The following TNIK variants were observed in gnomAD, a reference collection of about 807,000 sequenced individuals.
TNIK encodes TRAF2 and NCK interacting kinase.
A neutral mutation model predicts 191.3 loss-of-function variants in TNIK; 49 were observed. That is an observed-to-expected ratio of 0.26 (90% CI 0.20 to 0.32). The LOEUF is 0.32. Ranked by LOEUF, TNIK falls within the 10% of genes least tolerant of loss-of-function variation. The pLI is 1.00. For missense variants in TNIK, 1,155 were observed against 1,702.3 expected (o/e 0.68, Z 5.66); for synonymous variants, 594 against 600.9 (o/e 0.99, Z 0.17).
At chr3:171,196,315 T>C (rs1159475844) in intron 4 of TNIK, among the ~76,000 whole-genome samples, 3 of 152,160 alleles carry the variant, frequency 2.0e-5, no homozygotes, top group Non-Finnish European at 2.9e-5. Context: ...TCAATGACTG[T>C]TAACATTTTA....
intron 9 of TNIK, among the ~76,000 whole-genome samples, chr3:171,173,462 C>T (rs1156733302): frequency 2.0e-5 from 3 of 151,810 alleles, no homozygotes; most frequent in Non-Finnish European, 4.4e-5. Context: ...CTGACACCAG[C>T]TTCTGAGTTG....
rs1338888687 is a variant in TNIK, at chr3:171,319,076, C to T, written c.123+50544G>A. ...CACCTATAGTCCTATTTACTTGGGACGCTAAAATGGGAAGATTTCTGGAGC... is the reference window on the plus strand; with the variant it reads ...CACCTATAGTCCTATTTACTTGGGATGCTAAAATGGGAAGATTTCTGGAGC... On this transcript the variant is annotated intron_variant, in intron 2 of 32. Coordinates refer to ENST00000436636, the MANE Select transcript of TNIK (RefSeq NM_015028.4). Among the ~76,000 whole-genome samples, 6 of 152,154 alleles carry T rather than the reference C, an allele frequency of 3.9e-5. No individual in the cohort carries two copies. In the South Asian group the frequency reaches 8.3e-4, roughly 21 times the overall value.
At chr3:171,264,372 C>T (rs1249740806) in intron 2 of TNIK, among the ~76,000 whole-genome samples, 1 of 151,774 alleles carries the variant, frequency 6.6e-6, no homozygotes, top group Admixed American at 6.6e-5. Context: ...ATTTTATTTT[C>T]AGACGGAGTT....
At chr3:171,345,687 CAAG>C (rs1712057653) in intron 2 of TNIK, among the ~76,000 whole-genome samples, 1 of 152,066 alleles carries the variant, frequency 6.6e-6, no homozygotes, top group African/African-American at 2.4e-5. Context: ...TGGTGAAGGG[CAAG>C]AAGAGGTCAA....
intron 2 of TNIK, among the ~76,000 whole-genome samples, chr3:171,252,060 ATGCG>A (rs200296423): frequency 0.062 from 9,426 of 151,968 alleles, 335 homozygotes; most frequent in Middle Eastern, 0.12. Context: ...AAAATCTGGT[ATGCG>A]TGTGTGTGTG....
rs754103722 is a variant in TNIK, at chr3:171,157,478, C to G, written c.1203G>C (p.Gln401His). 128 of 1,569,044 alleles carry G rather than the reference C, an allele frequency of 8.2e-5. No homozygotes were observed. Among genetic ancestry groups the G allele is most frequent in the Non-Finnish European group, 4.0e-5 (46 of 1,157,612 alleles). Reference protein sequence around the residue: ...RQKRIEEQKEQRRRLEEQQRR... With the variant: ...RQKRIEEQKEHRRRLEEQQRR... The stretch of plus-strand genomic sequence containing the variant: ...TCCTCACCTCCTCCAGCCGCCGCCT[C>G]TGCTCTTTCTGCTCCTCGATGCGCT... Residue 401 changes from glutamine (Q) to histidine (H), a missense_variant, in exon 12 of 33, where the codon CAG (glutamine) becomes CAC (histidine). This residue lies in a region of TNIK where 735 missense variants were observed against 848.0 expected (regional missense o/e 0.87). Coordinates refer to ENST00000436636, the MANE Select transcript of TNIK (RefSeq NM_015028.4).
intron 12 of TNIK, among the ~76,000 whole-genome samples, chr3:171,144,240 A>AT (rs953237235): frequency 1.4e-4 from 21 of 152,022 alleles, no homozygotes; most frequent in African/African-American, 4.3e-4. Context: ...AAGTTTCTTA[A>AT]TTTTTTTTCC....
At chr3:171,173,879 T>G (rs1267521080) in intron 9 of TNIK, among the ~76,000 whole-genome samples, 2 of 152,100 alleles carry the variant, frequency 1.3e-5, no homozygotes, top group Non-Finnish European at 2.9e-5. Context: ...GGAAGAGAAC[T>G]GCGCCAGTCC....
At chr3:171,456,232 T>C (rs1728784280) in intron 1 of TNIK, among the ~76,000 whole-genome samples, 1 of 152,194 alleles carries the variant, frequency 6.6e-6, no homozygotes, top group Non-Finnish European at 1.5e-5. Context: ...TCCAGAAATA[T>C]GCTAATCTCC....
chr3:171,398,768 C>A (rs1421970837), intron 1 of TNIK, among the ~76,000 whole-genome samples: 2 of 152,182 alleles, frequency 1.3e-5, no homozygotes, highest in Non-Finnish European at 2.9e-5. Context: ...ATTCATGGTT[C>A]CTTTGACGTG....
At chr3:171,106,758 C>T in intron 21 of TNIK, 2 of 534,102 alleles carry the variant, frequency 3.7e-6, no homozygotes, top group Non-Finnish European at 7.7e-6. Flanking sequence ...TCTAACAATA[C>T]CTACTAACTC....
chr3:171,417,072 C>T (rs1043714054), intron 1 of TNIK, among the ~76,000 whole-genome samples: 1 of 152,156 alleles, frequency 6.6e-6, no homozygotes, highest in Non-Finnish European at 1.5e-5. Context: ...CCCTGAATGT[C>T]TCTGTGCTAC....
At chr3:171,115,475 C>CT (rs1726545131) in intron 18 of TNIK, among the ~76,000 whole-genome samples, 5 of 152,290 alleles carry the variant, frequency 3.3e-5, no homozygotes, top group African/African-American at 4.8e-5. Flanking sequence ...ATGAAAGAGA[C>CT]TAAGTATTGT....
At chr3:171,341,052 C>T (rs1757448588) in intron 2 of TNIK, among the ~76,000 whole-genome samples, 1 of 152,110 alleles carries the variant, frequency 6.6e-6, no homozygotes, top group African/African-American at 2.4e-5. Flanking sequence ...TAACAGACTA[C>T]AAAACCATGA....
chr3:171,302,581 T>C (rs1289967195), intron 2 of TNIK, among the ~76,000 whole-genome samples: 1 of 152,218 alleles, frequency 6.6e-6, no homozygotes, highest in African/African-American at 2.4e-5. Flanking sequence ...CATTAGACTT[T>C]AAAATTTTCT....
chr3:171,081,319 T>C (rs569089494), intron 27 of TNIK, among the ~76,000 whole-genome samples: 17 of 152,140 alleles, frequency 1.1e-4, no homozygotes, highest in Middle Eastern at 3.4e-3. Flanking sequence ...GAAGTACAGC[T>C]GAACTTTGAG....
chr3:171,066,425 G>A lies in TNIK; in HGVS notation c.3860-99C>T, dbSNP rs906827681. The stretch of plus-strand genomic sequence containing the variant: ...TAACCACAAAAATGACAAACGACTT[G>A]AGATAAATGGACAAAGCAAGTCTTA... On this transcript the variant is annotated intron_variant, in intron 31 of 32. Coordinates refer to ENST00000436636, the MANE Select transcript of TNIK (RefSeq NM_015028.4). 5.1e-5 allele frequency: 79 copies of A among 1,558,150 alleles called. No homozygotes were observed. The Middle Eastern group carries it at 6.8e-4, about 13-fold the overall frequency.
chr3:171,103,095 A>T (rs1723873945), intron 21 of TNIK, among the ~76,000 whole-genome samples: 1 of 152,188 alleles, frequency 6.6e-6, no homozygotes. Flanking sequence ...ATTTGTCTTG[A>T]TGACACCTGA....
rs1717584446 is a variant in TNIK at position 171,058,829 on chromosome 3, G to GT, written c.*5051dup. 6.6e-6 allele frequency among the ~76,000 whole-genome samples: 1 copy of GT among 152,148 alleles called. No individual in the cohort carries two copies. The highest frequency in any genetic ancestry group is 2.1e-4 in the South Asian group (1 of 4,824). On this transcript the variant is annotated 3_prime_UTR_variant, in exon 33 of 33. Coordinates refer to ENST00000436636, the MANE Select transcript of TNIK (RefSeq NM_015028.4). Reference sequence around the variant, plus strand: ...AAGGCAGCTAAAACGTTCAAAAATAGTTTTACAACATTCAATTTTAAAATT... The same window carrying GT: ...AAGGCAGCTAAAACGTTCAAAAATAGTTTTTACAACATTCAATTTTAAAATT...
Sources: gnomAD v4.1 joint callset for allele counts (sites outside exome capture counted in the v4.1 genomes callset) on GRCh38, gnomAD v4.1.1 for gene constraint, gnomAD v4.1.1 regional missense constraint, MANE v1.5 for transcripts, NCBI Gene and HGNC (gene_info 2026-07-23, HGNC 2026-07-21) for gene names.